ADARB2: variants seen among roughly 807,000 people sequenced by gnomAD.
ADARB2 encodes adenosine deaminase RNA specific B2 (inactive).
A neutral mutation model predicts 62.2 loss-of-function variants in ADARB2; 25 were observed. The observed-to-expected ratio is 0.40, with a 90% CI of 0.29 to 0.56. ADARB2 has a LOEUF of 0.56. ADARB2 is among the 20% of genes least tolerant of loss of function. ADARB2 has a pLI of 0.43. For synonymous variants in ADARB2, 572 were observed against 500.8 expected (o/e 1.14, Z -1.90); for missense variants, 1,071 against 1,077.4 (o/e 0.99, Z 0.08).
At chr10:1,548,431 C>T (rs116693206) in intron 1 of ADARB2, among the ~76,000 whole-genome samples, 2,906 of 152,338 alleles carry the variant, frequency 0.019, 95 homozygotes, top group African/African-American at 0.065. Flanking sequence ...CGGGGACCCC[C>T]GGCATAGCCA....
At chr10:1,337,150 T>C (rs1278348752) in intron 3 of ADARB2, among the ~76,000 whole-genome samples, 1 of 151,100 alleles carries the variant, frequency 6.6e-6, no homozygotes, top group Admixed American at 6.6e-5. Flanking sequence ...TAGGGGAAAA[T>C]AGAAAGTGGT....
rs151265940 is a variant in ADARB2 at position 1,445,097 on chromosome 10, C to T, written c.101-65937G>A. Among the ~76,000 whole-genome samples the T allele has an allele frequency of 8.0e-3, 1,208 of 151,838 alleles. 26 individuals are homozygous for T. The highest frequency in any genetic ancestry group is 0.061 in the East Asian group (312 of 5,110). On this transcript the variant is annotated intron_variant, in intron 1 of 9. Coordinates refer to ENST00000381312, the MANE Select transcript of ADARB2 (RefSeq NM_018702.4). Reference sequence around the variant, plus strand: ...TCCATTCATCCATCCACCCACCCACCCATCTATCCATCCATCCATCCATCC... The same window carrying T: ...TCCATTCATCCATCCACCCACCCACTCATCTATCCATCCATCCATCCATCC...
rs1832631703 is a variant in ADARB2 at position 1,398,165 on chromosome 10, C to CATCA, written c.101-19006_101-19005insTGAT. Among the ~76,000 whole-genome samples the CATCA allele has an allele frequency of 6.8e-6, 1 of 146,400 alleles. No individual in the cohort carries two copies. The highest frequency in any genetic ancestry group is 2.6e-5 in the African/African-American group (1 of 39,072). On this transcript the variant is annotated intron_variant, in intron 1 of 9. Coordinates refer to ENST00000381312, the MANE Select transcript of ADARB2 (RefSeq NM_018702.4). This position sits in a 1 kb window ranked among gnomAD's most constrained non-coding sequence, Gnocchi z 4.1. ...CCCGAGTGCAGGCTTCCTGGGTCAC[C>CATCA]GTCCTCCTCTCCCGTCCCGAGTGCA... is the stretch of plus-strand genomic sequence containing the variant.
intron 1 of ADARB2, among the ~76,000 whole-genome samples, chr10:1,728,507 T>TCTACGTCGTG: frequency 6.6e-6 from 1 of 152,328 alleles, no homozygotes; most frequent in South Asian, 2.1e-4. Flanking sequence ...CTGTCATCCC[T>TCTACGTCGTG]CTACGTCGTG....
rs147868402 is a variant in ADARB2, at chr10:1,627,041, G to A, written c.100+110010C>T. Among the ~76,000 whole-genome samples, 81 of 151,924 alleles carry A rather than the reference G, an allele frequency of 5.3e-4. 1 individual carries two copies. Among genetic ancestry groups the A allele is most frequent in the Middle Eastern group, 3.4e-3 (1 of 294 alleles). ...GGGCCCCGGCGCACCCGCTAGCACC[G>A]CTTTCTGCCCACCCTGGCCTGGACG... On this transcript the variant is annotated intron_variant, in intron 1 of 9. Transcript: ENST00000381312.
At chr10:1,268,027 C>G (rs907604581) in intron 4 of ADARB2, among the ~76,000 whole-genome samples, 2 of 152,148 alleles carry the variant, frequency 1.3e-5, no homozygotes, top group African/African-American at 4.8e-5. Flanking sequence ...GGCTGCCACC[C>G]TCAACGCACA....
intron 1 of ADARB2, among the ~76,000 whole-genome samples, chr10:1,728,636 A>G (rs554045498): frequency 6.6e-6 from 1 of 152,344 alleles, no homozygotes; most frequent in East Asian, 1.9e-4. Context: ...CAAAAATTTG[A>G]TTAAAAACTC....
chr10:1,698,907 C>T (rs1004502122), intron 1 of ADARB2, among the ~76,000 whole-genome samples: 3 of 152,152 alleles, frequency 2.0e-5, no homozygotes, highest in Non-Finnish European at 4.4e-5. Context: ...ATTACAGGCA[C>T]CCACCACCAG....
chr10:1,527,313 A>T (rs778934901), intron 1 of ADARB2, among the ~76,000 whole-genome samples: 8 of 152,230 alleles, frequency 5.3e-5, no homozygotes, highest in Non-Finnish European at 1.0e-4. Flanking sequence ...TTATAGAGAC[A>T]TTCTCATCCC....
intron 2 of ADARB2, among the ~76,000 whole-genome samples, chr10:1,371,960 G>A (rs1258261913): frequency 6.6e-6 from 1 of 152,036 alleles, no homozygotes; most frequent in Non-Finnish European, 1.5e-5. Context: ...TTACTGCTGG[G>A]CATCTACCCA....
chr10:1,506,691 T>A (rs1831856792), intron 1 of ADARB2, among the ~76,000 whole-genome samples: 1 of 152,104 alleles, frequency 6.6e-6, no homozygotes, highest in Non-Finnish European at 1.5e-5. Flanking sequence ...AGAGGAAAAT[T>A]AAATGTAGGG....
At chr10:1,729,156 GA>G (rs1352430588) in intron 1 of ADARB2, among the ~76,000 whole-genome samples, 1 of 152,176 alleles carries the variant, frequency 6.6e-6, no homozygotes, top group Non-Finnish European at 1.5e-5. Flanking sequence ...ATTGAAGCAT[GA>G]ATAAAATATC....
chr10:1,287,825 T>G (rs544128551), intron 3 of ADARB2, among the ~76,000 whole-genome samples: 1 of 152,386 alleles, frequency 6.6e-6, no homozygotes, highest in South Asian at 2.1e-4. Context: ...TTTGGAGTTA[T>G]GCCGTCGGCT....
At chr10:1,529,816 G>A (rs1171440957) in intron 1 of ADARB2, among the ~76,000 whole-genome samples, 1 of 152,180 alleles carries the variant, frequency 6.6e-6, no homozygotes, top group Non-Finnish European at 1.5e-5. Flanking sequence ...AAAGGACAGG[G>A]TATCTCCACC....
At chr10:1,259,506 G>A (rs781638476) in intron 4 of ADARB2, among the ~76,000 whole-genome samples, 1 of 152,182 alleles carries the variant, frequency 6.6e-6, no homozygotes, top group African/African-American at 2.4e-5. Flanking sequence ...TACCATTAGA[G>A]AATACTATAA....
intron 1 of ADARB2, among the ~76,000 whole-genome samples, chr10:1,520,833 G>C (rs1464004133): frequency 6.6e-6 from 1 of 152,200 alleles, no homozygotes; most frequent in East Asian, 1.9e-4. Context: ...TACACATGTT[G>C]ATATCAAATG....
intron 1 of ADARB2, among the ~76,000 whole-genome samples, chr10:1,581,946 G>A (rs560909991): frequency 1.0e-3 from 156 of 151,906 alleles, no homozygotes; most frequent in African/African-American, 3.6e-3. Flanking sequence ...CCTGGAACAG[G>A]AAACCATCTC....
intron 1 of ADARB2, among the ~76,000 whole-genome samples, chr10:1,603,559 C>T (rs1359660214): frequency 6.6e-6 from 1 of 152,014 alleles, no homozygotes; most frequent in Non-Finnish European, 1.5e-5. Flanking sequence ...TGAGTGTCAC[C>T]GAGAGAGCAC....
At chr10:1,669,085 A>C (rs1834348046) in intron 1 of ADARB2, among the ~76,000 whole-genome samples, 2 of 152,178 alleles carry the variant, frequency 1.3e-5, no homozygotes, top group African/African-American at 4.8e-5. Context: ...GCAGCAAGCC[A>C]AGCCCTAGCC....
Sources: gnomAD v4.1 joint callset for allele counts (sites outside exome capture counted in the v4.1 genomes callset) on GRCh38, gnomAD v4.1.1 for gene constraint, Gnocchi (gnomAD v3.1) non-coding constraint, MANE v1.5 for transcripts, NCBI Gene and HGNC (gene_info 2026-07-23, HGNC 2026-07-21) for gene names.